The following SNAPC4 variants were observed in gnomAD, a reference collection of about 807,000 sequenced individuals.
SNAPC4 encodes the protein small nuclear RNA activating complex polypeptide 4.
In SNAPC4, 127 loss-of-function variants were observed where a neutral mutation model predicts 151.3. The observed-to-expected ratio is 0.84, with a 90% CI of 0.73 to 0.97. The LOEUF is 0.97. Ranked by LOEUF, SNAPC4 falls within the 50% of genes least tolerant of loss-of-function variation. The pLI is 0.00. For synonymous variants in SNAPC4, 1,002 were observed against 824.4 expected, an observed-to-expected ratio of 1.22 and a Z score of -3.69; for missense variants, 2,186 against 1,935.0, an observed-to-expected ratio of 1.13 and a Z score of -2.43.
At chr9:136,377,516 G>A in intron 22 of SNAPC4, 27 bp downstream of exon 22, 3 of 1,500,544 alleles carry the variant, frequency 2.0e-6, no homozygotes, top group South Asian at 1.4e-5. Context: ...CCTGCCATGG[G>A]GAAGTGGGGC....
intron 9 of SNAPC4, 93 bp from the exon 10 acceptor site, chr9:136,392,199 G>A: frequency 6.7e-7 from 1 of 1,494,430 alleles, no homozygotes; most frequent in Non-Finnish European, 9.2e-7. Context: ...TCCGCCAGCT[G>A]GAGGCTTCCA....
chr9:136,378,053 G>C lies in SNAPC4; in HGVS notation c.3774C>G (p.Pro1258=), dbSNP rs962959548. The C allele has an allele frequency of 2.5e-6, 4 of 1,578,492 alleles. No homozygotes were observed. The highest frequency in any genetic ancestry group is 1.8e-5 in the Admixed American group (1 of 54,606). ...CCTTCTCAGGCCCAGGCTGGGGTAG[G>C]GGCGGCTTCTCCAGGTCCAGGGCCC... ...EKGALDLEKP[P]LPQPGPEKGA... is the part of the protein sequence containing the mutation. Residue 1258 remains proline, a synonymous_variant, in exon 22 of 24, where the codon CCC becomes CCG. Transcript: ENST00000684778.
At chr9:136,396,721 G>C (rs890814119) in intron 3 of SNAPC4, among the ~76,000 whole-genome samples, 1 of 152,220 alleles carries the variant, frequency 6.6e-6, no homozygotes, top group African/African-American at 2.4e-5. Context: ...AGTGACAGAT[G>C]CCACACAGGA....
rs565035758 is a variant in SNAPC4 at position 136,383,770 on chromosome 9, C to A, written c.1501-102G>T. 5 of 1,471,238 alleles carry A rather than the reference C, an allele frequency of 3.4e-6. No individual in the cohort carries two copies. The South Asian group carries it at 6.4e-5, about 19-fold the overall frequency. 91.1% of individuals were successfully genotyped at this position (1,471,238 alleles called of 1,614,324 possible). A position where few individuals can be genotyped will look rare whatever the true frequency, so the allele number is the denominator to read the frequency against. On this transcript the variant is annotated intron_variant, in intron 15 of 23. Transcript: ENST00000684778. The surrounding 1 kb of genome is among the most constrained non-coding windows in gnomAD (Gnocchi z 4.2). ...TTGGGGAGAGGCCCAAGCGGGGGCG[C>A]CTCCGGGGTCAAGAGCAGCCGCTGC... is the stretch of plus-strand genomic sequence containing the variant.
In SNAPC4 at chr9:136,395,741, A is replaced by G. The variant is rs898043010; in HGVS notation, c.207T>C (p.Asn69=). 1 of 1,613,064 alleles carries G rather than the reference A, an allele frequency of 6.2e-7. No individual in the cohort carries two copies. The highest frequency in any genetic ancestry group is 1.3e-5 in the African/African-American group (1 of 75,032). The change falls in exon 4 of 24, where the codon AAT becomes AAC. Residue 69 remains asparagine (N), a synonymous_variant. Transcript: ENST00000684778. ...SEEERWGEAS[N]DEDDPKDKTL... ...TTTTATCCTTGGGATCGTCCTCGTC[A>G]TTGCTGGCTTCGCCCCACCTTTCTT...
rs1258830225 is a variant in SNAPC4 at position 136,400,134 on chromosome 9, C to T, written c.-10G>A. On this transcript the variant is annotated splice_region_variant and 5_prime_UTR_variant, in exon 1 of 24. Transcript: ENST00000684778. The stretch of plus-strand genomic sequence containing the variant: ...CTCACCTGCTGGGCGCACACCTTAC[C>T]TGGCCGCGCGGACCCCGCCGTCGCC... The T allele has an allele frequency of 6.6e-6, 1 of 152,138 alleles. No individual in the cohort carries two copies. Among genetic ancestry groups the T allele is most frequent in the African/African-American group, 2.4e-5 (1 of 41,442 alleles). 9.4% of individuals were successfully genotyped at this position (152,138 alleles called of 1,614,324 possible).
At chr9:136,396,272 G>A (rs1834270264) in intron 3 of SNAPC4, among the ~76,000 whole-genome samples, 1 of 152,256 alleles carries the variant, frequency 6.6e-6, no homozygotes, top group South Asian at 2.1e-4. Context: ...ACACAGCCAC[G>A]CAAACATGAG....
Position 136,378,601 on chromosome 9 carries a change from C to T in SNAPC4, c.3226G>A (p.Val1076Ile). 6.3e-7 allele frequency: 1 copy of T among 1,579,614 alleles called. No individual in the cohort carries two copies. Among genetic ancestry groups the T allele is most frequent in the Non-Finnish European group, 8.6e-7 (1 of 1,165,446 alleles). ...CCCTGGGCTGTGAGCACCCAGGTGACAGGCAGGGGGACACTGGTCGCCACA... is the reference window on the plus strand; with the variant it reads ...CCCTGGGCTGTGAGCACCCAGGTGATAGGCAGGGGGACACTGGTCGCCACA... ...PHVATSVPLP[V>I]TWVLTAQGLL... Residue 1076 changes from valine (V) to isoleucine (I), a missense_variant, in exon 22 of 24, where the codon GTC becomes ATC. By Grantham distance (29) the Val-to-Ile change is conservative. Transcript: ENST00000684778.
At chr9:136,394,372 T>C in intron 6 of SNAPC4, 42 bp from the exon 7 acceptor site, 1 of 1,545,190 alleles carries the variant, frequency 6.5e-7, no homozygotes, top group Non-Finnish European at 8.9e-7. Context: ...GTCTGGATCC[T>C]CTCCACGGCC....
At chr9:136,398,204 G>T in intron 2 of SNAPC4, 95 bp downstream of exon 2, 1 of 1,354,176 alleles carries the variant, frequency 7.4e-7, no homozygotes, top group Non-Finnish European at 1.0e-6. Context: ...AACCACACCC[G>T]GCTACCATCA....
At position 136,383,595 on chromosome 9, in the gene SNAPC4, C is replaced by A; in HGVS notation, c.1574G>T (p.Gly525Val). 6.2e-7 allele frequency: 1 copy of A among 1,611,558 alleles called. No individual in the cohort carries two copies. The highest frequency in any genetic ancestry group is 8.5e-7 in the Non-Finnish European group (1 of 1,179,330). ...CCCTCCACTGCTGCCACTGCTGCTGCCGCTGCTGCTGGTAGAGCTCCACCG... is the reference window on the plus strand; with the variant it reads ...CCCTCCACTGCTGCCACTGCTGCTGACGCTGCTGCTGGTAGAGCTCCACCG... The part of the protein sequence containing the change: ...SVRWSSTSSS[G>V]SSSGSSGGSS... Residue 525 changes from glycine (G) to valine (V), a missense_variant, in exon 16 of 24, where the codon GGC (glycine) becomes GTC (valine). Gly to Val is a moderately radical substitution (Grantham distance 109). Coordinates refer to ENST00000684778, the MANE Select transcript of SNAPC4 (RefSeq NM_003086.4). This position sits in a 1 kb window ranked among gnomAD's most constrained non-coding sequence, Gnocchi z 4.2.
In SNAPC4 at chr9:136,378,930, G is replaced by A; in HGVS notation, c.2897C>T (p.Ser966Phe). The change falls in exon 22 of 24, where the codon TCT (serine) becomes TTT (phenylalanine). Residue 966 changes from serine to phenylalanine, a missense_variant. Physicochemically the swap from Ser to Phe is radical, Grantham distance 155. Coordinates refer to ENST00000684778, the MANE Select transcript of SNAPC4 (RefSeq NM_003086.4). ...GAPAAAKPGT[S>F]GSWQEAGTSA... ...AGTCCCAGCCTCCTGCCAGGAGCCA[G>A]AAGTGCCAGGTTTGGCTGCCGCGGG... 6.2e-7 allele frequency: 1 copy of A among 1,610,804 alleles called. No homozygotes were observed. The highest frequency in any genetic ancestry group is 8.5e-7 in the Non-Finnish European group (1 of 1,179,430).
intron 22 of SNAPC4, 23 bp from the exon 23 acceptor site, chr9:136,376,504 G>A: frequency 1.2e-6 from 2 of 1,611,942 alleles, no homozygotes; most frequent in Non-Finnish European, 1.7e-6. Flanking sequence ...CCAGGCAGTG[G>A]GGACAAGAGT....
At position 136,387,682 on chromosome 9, in the gene SNAPC4, G is replaced by T; in HGVS notation, c.1230+60C>A. The T allele has an allele frequency of 2.9e-6, 4 of 1,377,694 alleles. No individual in the cohort carries two copies. The South Asian group carries it at 4.6e-5, about 16-fold the overall frequency. The allele number at this position is 1,377,694 out of a possible 1,614,324, so 85.3% of individuals were successfully genotyped here. A position where few individuals can be genotyped will look rare whatever the true frequency, so the allele number is the denominator to read the frequency against. On this transcript the variant is annotated intron_variant, in intron 12 of 23. Coordinates refer to ENST00000684778, the MANE Select transcript of SNAPC4 (RefSeq NM_003086.4). Reference sequence around the variant, plus strand: ...AAGGGACCACTGGGGCACAGCAGCCGCTGAACACAGCCGCGTTACCTTCCC... The same window carrying T: ...AAGGGACCACTGGGGCACAGCAGCCTCTGAACACAGCCGCGTTACCTTCCC...
Position 136,382,586 on chromosome 9 carries a change from G to A in SNAPC4, c.1984-250C>T, listed in dbSNP as rs142069817. Among the ~76,000 whole-genome samples, 426 of 152,352 alleles carry A rather than the reference G, an allele frequency of 2.8e-3. 2 individuals carry two copies. The highest frequency in any genetic ancestry group is 4.5e-3 in the Non-Finnish European group (304 of 68,026). On this transcript the variant is annotated intron_variant, in intron 16 of 23. Coordinates refer to ENST00000684778, the MANE Select transcript of SNAPC4 (RefSeq NM_003086.4). ...CCCCAGCCAGTTCCTCAGGCTGACAGCAGCAGCCCTTCCAGGTGACGCCCC... is the reference window on the plus strand; with the variant it reads ...CCCCAGCCAGTTCCTCAGGCTGACAACAGCAGCCCTTCCAGGTGACGCCCC...
At chr9:136,380,951 G>T in intron 19 of SNAPC4, 101 bp from the exon 20 acceptor site, 1 of 696,500 alleles carries the variant, frequency 1.4e-6, no homozygotes, top group Non-Finnish European at 2.5e-6. Flanking sequence ...AGGCTGGGGC[G>T]GCTACCTTGA....
At chr9:136,384,156 T>C (rs1643110329) in intron 14 of SNAPC4, 124 bp from the exon 15 acceptor site, 1 of 711,406 alleles carries the variant, frequency 1.4e-6, no homozygotes, top group Non-Finnish European at 2.4e-6. Flanking sequence ...ACTCTCACGC[T>C]GGGGGGTCAA....
chr9:136,395,592 G>A lies in SNAPC4; in HGVS notation c.345+11C>T. 2 of 1,606,904 alleles carry A rather than the reference G, an allele frequency of 1.2e-6. No homozygotes were observed. Among genetic ancestry groups the A allele is most frequent in the Non-Finnish European group, 1.7e-6 (2 of 1,176,178 alleles). On this transcript the variant is annotated intron_variant, in intron 4 of 23. Coordinates refer to ENST00000684778, the MANE Select transcript of SNAPC4 (RefSeq NM_003086.4). ...GAGGTGTGGGCACCGGGGGGCCGAG[G>A]CCCATCCCACCTGCTGCTCCCGGTT...
intron 18 of SNAPC4, 115 bp downstream of exon 18, chr9:136,381,709 A>G (rs1412065077): frequency 8.8e-6 from 12 of 1,358,436 alleles, no homozygotes; most frequent in Non-Finnish European, 1.2e-5. Flanking sequence ...CCCACCCCAA[A>G]AAGACTCCCC....
Sources: gnomAD v4.1 joint callset for allele counts (sites outside exome capture counted in the v4.1 genomes callset) on GRCh38, gnomAD v4.1.1 for gene constraint, Gnocchi (gnomAD v3.1) non-coding constraint, MANE v1.5 for transcripts, NCBI Gene and HGNC (gene_info 2026-07-23, HGNC 2026-07-21) for gene names.